The following RNLS variants were observed in gnomAD, a reference collection of about 807,000 sequenced individuals.
The protein encoded by RNLS is renalase.
In RNLS, 39 loss-of-function variants were observed where a neutral mutation model predicts 39.8. The ratio of observed to expected loss-of-function variants is 0.98; its 90% CI spans 0.76 to 1.28. RNLS has a LOEUF of 1.28. Among genes scored for constraint, RNLS ranks in the 50% most tolerant of loss-of-function variants. The pLI, the probability that RNLS is intolerant of heterozygous loss-of-function variation, is 0.00. For synonymous variants in RNLS, 147 were observed against 150.7 expected, an observed-to-expected ratio of 0.98 and a Z score of 0.18; for missense variants, 410 against 413.3, an observed-to-expected ratio of 0.99 and a Z score of 0.07.
At position 88,337,789 on chromosome 10, in the gene RNLS, A is replaced by G. The variant is rs183317694; in HGVS notation, c.701-23148T>C. Among the ~76,000 whole-genome samples, 194 of 152,302 alleles carry G rather than the reference A, an allele frequency of 1.3e-3. 1 individual carries two copies. The highest frequency in any genetic ancestry group is 4.5e-3 in the African/African-American group (189 of 41,558). ...TTTCTTGCTTAAGCCATTTGAGATG[A>G]GTTTTATGTCACTTGCAACTTAAAC... On this transcript the variant is annotated intron_variant, in intron 5 of 6. Coordinates refer to ENST00000331772, the MANE Select transcript of RNLS (RefSeq NM_001031709.3).
intron 5 of RNLS, among the ~76,000 whole-genome samples, chr10:88,317,835 G>A (rs560221048): frequency 6.6e-6 from 1 of 152,296 alleles, no homozygotes; most frequent in East Asian, 1.9e-4. Context: ...AAAAAAAGCA[G>A]CAAGGGTCTG....
intron 4 of RNLS, among the ~76,000 whole-genome samples, chr10:88,497,405 T>C (rs1845230415): frequency 6.6e-6 from 1 of 152,030 alleles, no homozygotes; most frequent in African/African-American, 2.4e-5. Context: ...TTTTGGTTAG[T>C]AGGTTGATCC....
chr10:88,518,603 T>C (rs1016201937), intron 4 of RNLS, among the ~76,000 whole-genome samples: 2 of 151,926 alleles, frequency 1.3e-5, no homozygotes, highest in African/African-American at 2.4e-5. Flanking sequence ...TCTAGCAAGA[T>C]AGGCACATGA....
intron 6 of RNLS, 72 bp from the exon 7 acceptor site, chr10:88,285,578 G>A (rs1282058008): frequency 1.5e-6 from 2 of 1,293,306 alleles, no homozygotes; most frequent in Non-Finnish European, 2.2e-6. Flanking sequence ...CACCCACCTG[G>A]AAAAGGTTAG....
Position 88,310,801 on chromosome 10 carries a change from CAAAAA to C in RNLS, c.876+3660_876+3664del, listed in dbSNP as rs577838661. On this transcript the variant is annotated intron_variant, in intron 6 of 6. Coordinates refer to ENST00000331772, the MANE Select transcript of RNLS (RefSeq NM_001031709.3). ...TGACAGATTTAGAGCCTACCTCTGC[CAAAAA>C]AAAAAAAAAAAAAAAAAAAAAGAAA... is the stretch of plus-strand genomic sequence containing the variant. 1.3e-3 allele frequency among the ~76,000 whole-genome samples: 25 copies of C among 19,600 alleles called. 1 individual carries two copies. The East Asian group carries it at 0.025, about 20-fold the overall frequency. The allele number at this position is 19,600 out of a possible 152,430, so 12.9% of individuals were successfully genotyped here.
At chr10:88,524,954 C>CACAT (rs1255782930) in intron 4 of RNLS, among the ~76,000 whole-genome samples, 1 of 77,934 alleles carries the variant, frequency 1.3e-5, no homozygotes, top group African/African-American at 4.4e-5. Context: ...ATATGGCACA[C>CACAT]ACATACATAT....
intron 5 of RNLS, among the ~76,000 whole-genome samples, chr10:88,349,778 CCT>C (rs1848550925): frequency 2.6e-5 from 4 of 151,288 alleles, no homozygotes. Context: ...TATTTTTCTT[CCT>C]GAGAGACCAC....
At chr10:88,273,222 C>A (rs543250813), downstream of RNLS, among the ~76,000 whole-genome samples, 1 of 152,246 alleles carries the variant, frequency 6.6e-6, no homozygotes, top group South Asian at 2.1e-4. Context: ...TTGGTTCTGC[C>A]CTCTGGAGCA....
chr10:88,324,877 C>T (rs910051771), intron 5 of RNLS, among the ~76,000 whole-genome samples: 13 of 152,144 alleles, frequency 8.5e-5, no homozygotes, highest in African/African-American at 3.1e-4. Context: ...CTAGGCACCT[C>T]GTATAAATGG....
chr10:88,415,187 A>C (rs1011697966), intron 4 of RNLS, among the ~76,000 whole-genome samples: 3 of 152,214 alleles, frequency 2.0e-5, no homozygotes, highest in African/African-American at 7.2e-5. Flanking sequence ...GAACCTGAGA[A>C]AGGGTTTTGT....
intron 4 of RNLS, among the ~76,000 whole-genome samples, chr10:88,433,651 G>T (rs1855273481): frequency 6.6e-6 from 1 of 151,990 alleles, no homozygotes; most frequent in African/African-American, 2.4e-5. Context: ...TTAGGTAGTA[G>T]GAATGTAATG....
chr10:88,292,191 G>A (rs1479381289), intron 6 of RNLS, among the ~76,000 whole-genome samples: 1 of 151,176 alleles, frequency 6.6e-6, no homozygotes, highest in Non-Finnish European at 1.5e-5. Context: ...GGTCTTGGAG[G>A]ACAGTTGCTT....
chr10:88,399,858 A>C (rs910982817), intron 4 of RNLS, among the ~76,000 whole-genome samples: 2 of 152,072 alleles, frequency 1.3e-5, no homozygotes, highest in Admixed American at 1.3e-4. Flanking sequence ...GGAGTCTATA[A>C]GTCAGCAGTT....
At chr10:88,224,914 C>G in the RNLS span, among the ~76,000 whole-genome samples, 1 of 152,190 alleles carries the variant, frequency 6.6e-6, no homozygotes, top group Non-Finnish European at 1.5e-5. Context: ...ATTTTATTCT[C>G]ACCATTTATA....
At chr10:88,484,016 C>T (rs1434447728) in intron 4 of RNLS, among the ~76,000 whole-genome samples, 5 of 151,966 alleles carry the variant, frequency 3.3e-5, no homozygotes, top group South Asian at 2.1e-4. Context: ...TTGTGAATAA[C>T]GTAATTTATT....
At chr10:88,236,045 G>T in the RNLS span, among the ~76,000 whole-genome samples, 3 of 152,172 alleles carry the variant, frequency 2.0e-5, no homozygotes, top group South Asian at 2.1e-4. Flanking sequence ...ATCTTTAAGT[G>T]TAGTATTTAT....
intron 4 of RNLS, among the ~76,000 whole-genome samples, chr10:88,558,443 C>T (rs1274550741): frequency 6.6e-6 from 1 of 152,190 alleles, no homozygotes; most frequent in African/African-American, 2.4e-5. Context: ...TTCCAGCTAT[C>T]CTCAACTTTA....
chr10:88,217,811 G>T, the RNLS span, among the ~76,000 whole-genome samples: 1 of 150,748 alleles, frequency 6.6e-6, no homozygotes, highest in African/African-American at 2.4e-5. Context: ...AGGCCAAAGC[G>T]GGTGGATCAC....
At chr10:88,444,930 C>G (rs925005817) in intron 4 of RNLS, among the ~76,000 whole-genome samples, 3 of 152,172 alleles carry the variant, frequency 2.0e-5, no homozygotes, top group Non-Finnish European at 4.4e-5. Flanking sequence ...CCCAACCTAG[C>G]AAGGCAGGCC....
Sources: gnomAD v4.1 joint callset for allele counts (sites outside exome capture counted in the v4.1 genomes callset) on GRCh38, gnomAD v4.1.1 for gene constraint, MANE v1.5 for transcripts, NCBI Gene and HGNC (gene_info 2026-07-23, HGNC 2026-07-21) for gene names.